The following NIBAN3 variants were observed in gnomAD, a reference collection of about 807,000 sequenced individuals.
NIBAN3 encodes the protein protein Niban 3.
Under a neutral mutation model 76.4 loss-of-function variants are expected in NIBAN3, and 66 were observed. The observed-to-expected ratio is 0.86, with a 90% CI of 0.71 to 1.06. The LOEUF is 1.06. NIBAN3 is among the 50% of genes least tolerant of loss of function. The pLI, the probability that NIBAN3 is intolerant of heterozygous loss-of-function variation, is 0.00. For missense variants in NIBAN3, 808 were observed against 810.7 expected, an observed-to-expected ratio of 1.00 and a Z score of 0.04; for synonymous variants, 360 against 355.2, an observed-to-expected ratio of 1.01 and a Z score of -0.15.
In NIBAN3 at chr19:17,552,509, T is replaced by G. The variant is rs1268584972; in HGVS notation, c.*611T>G. 6.6e-6 allele frequency: 1 copy of G among 152,198 alleles called. No individual in the cohort carries two copies. Among genetic ancestry groups the G allele is most frequent in the South Asian group, 2.1e-4 (1 of 4,836 alleles). 9.4% of individuals were successfully genotyped at this position (152,198 alleles called of 1,614,324 possible). A position where few individuals can be genotyped will look rare whatever the true frequency, so the allele number is the denominator to read the frequency against. On this transcript the variant is annotated 3_prime_UTR_variant, in exon 15 of 15. Coordinates refer to ENST00000599164, the MANE Select transcript of NIBAN3 (RefSeq NM_001321827.2). ...CTAGGATTATAGGAGTGATCCACTA[T>G]GTCCAGCCTCCAAATCCTTTCTAAA...
intron 9 of NIBAN3, among the ~76,000 whole-genome samples, chr19:17,541,682 ATTTTATTTTATTT>A (rs1375084030): frequency 2.0e-5 from 3 of 146,764 alleles, no homozygotes; most frequent in Non-Finnish European, 4.5e-5. Context: ...ATTTTATTTT[ATTTTATTTTATTT>A]TATTTTATTT....
At chr19:17,533,425 AAAAAAG>A (rs1157438576) in intron 3 of NIBAN3, 156 bp from the exon 4 acceptor site, 4 of 554,554 alleles carry the variant, frequency 7.2e-6, no homozygotes, top group South Asian at 2.4e-5. Context: ...CAAAAAAAAA[AAAAAAG>A]AGAGAGGGAG....
downstream of NIBAN3, among the ~76,000 whole-genome samples, chr19:17,554,827 G>C (rs1056441770): frequency 1.6e-5 from 2 of 126,900 alleles, no homozygotes; most frequent in African/African-American, 5.6e-5. Context: ...ATAATGTTCA[G>C]ATGTATTTTT....
chr19:17,525,287 T>C (rs1307184364), upstream of NIBAN3, among the ~76,000 whole-genome samples: 3 of 152,174 alleles, frequency 2.0e-5, no homozygotes, highest in Non-Finnish European at 4.4e-5. Context: ...TTTGATCACA[T>C]TTCCGCTTGG....
rs138735905 is a variant in NIBAN3, at chr19:17,527,312, G to A, written c.-29G>A. The A allele has an allele frequency of 0.03, 46,860 of 1,550,206 alleles. 869 individuals carry two copies. Among genetic ancestry groups the A allele is most frequent in the Middle Eastern group, 0.041 (235 of 5,756 alleles). On this transcript the variant is annotated 5_prime_UTR_variant, in exon 1 of 15. Coordinates refer to ENST00000599164, the MANE Select transcript of NIBAN3 (RefSeq NM_001321827.2). ...ACGCAGGCGGTGGTCGTGGGGAAGG[G>A]AAGAGGAGCCCCGGGAGACGACAGC...
chr19:17,535,002 T>C (rs538962805), intron 4 of NIBAN3, among the ~76,000 whole-genome samples: 1 of 152,286 alleles, frequency 6.6e-6, no homozygotes, highest in East Asian at 1.9e-4. Context: ...AATTGCACCC[T>C]CTGCTTCACC....
At chr19:17,536,352 T>G (rs1314792306) in intron 4 of NIBAN3, among the ~76,000 whole-genome samples, 2 of 150,578 alleles carry the variant, frequency 1.3e-5, no homozygotes, top group Non-Finnish European at 2.9e-5. Context: ...CACCACACCC[T>G]GTAAATTTTG....
intron 13 of NIBAN3, among the ~76,000 whole-genome samples, chr19:17,548,191 G>C (rs1229281983): frequency 1.3e-5 from 2 of 152,168 alleles, no homozygotes; most frequent in African/African-American, 4.8e-5. Context: ...CACTGATTGG[G>C]GGGTGAACAG....
chr19:17,551,543 G>A (rs947747409), intron 14 of NIBAN3, among the ~76,000 whole-genome samples: 2 of 151,946 alleles, frequency 1.3e-5, no homozygotes, highest in Non-Finnish European at 2.9e-5. Context: ...GAGTAGCTGG[G>A]ATTACAGGCG....
Position 17,553,588 on chromosome 19 carries a change from T to C in NIBAN3, c.*1690T>C. 1.9e-6 allele frequency: 3 copies of C among 1,596,976 alleles called. No homozygotes were observed. The highest frequency in any genetic ancestry group is 2.6e-6 in the Non-Finnish European group (3 of 1,164,680). On this transcript the variant is annotated 3_prime_UTR_variant, in exon 15 of 15. Transcript: ENST00000599164. ...AGATATTCCTGACCTTTCCACCTAT[T>C]TCCCTCCAACCCCACCTTCCGAAAT...
At chr19:17,546,991 C>T (rs932240081) in intron 13 of NIBAN3, among the ~76,000 whole-genome samples, 194 bp downstream of exon 13, 1 of 152,020 alleles carries the variant, frequency 6.6e-6, no homozygotes, top group Admixed American at 6.6e-5. Flanking sequence ...AAGGAAGGGC[C>T]GTTGGACTGG....
chr19:17,533,755 A>C, intron 4 of NIBAN3, 54 bp downstream of exon 4: 1 of 1,301,576 alleles, frequency 7.7e-7, no homozygotes, highest in Non-Finnish European at 1.1e-6. Flanking sequence ...CATCATTAAC[A>C]TGTGGGGCCA....
upstream of NIBAN3, among the ~76,000 whole-genome samples, chr19:17,525,248 C>T (rs1458836223): frequency 6.6e-6 from 1 of 152,184 alleles, no homozygotes; most frequent in Non-Finnish European, 1.5e-5. Flanking sequence ...CTTGACACTC[C>T]CCTCATCAGA....
rs573566894 is a variant in NIBAN3 at position 17,536,529 on chromosome 19, G to A, written c.428-847G>A. 2.1e-4 allele frequency among the ~76,000 whole-genome samples: 32 copies of A among 152,032 alleles called. No homozygotes were observed. The South Asian group carries it at 5.2e-3, about 25-fold the overall frequency. On this transcript the variant is annotated intron_variant, in intron 4 of 14. Transcript: ENST00000599164. ...TATCGCAGTCTGTGTTTATCATCCTGGAAAGTGGAACAAAACACTGGAGAC... is the reference window on the plus strand; with the variant it reads ...TATCGCAGTCTGTGTTTATCATCCTAGAAAGTGGAACAAAACACTGGAGAC...
intron 4 of NIBAN3, 41 bp from the exon 5 acceptor site, chr19:17,537,335 G>A (rs1599727673): frequency 6.3e-7 from 1 of 1,592,922 alleles, no homozygotes; most frequent in Non-Finnish European, 8.6e-7. Flanking sequence ...TTCTCCTAGT[G>A]AATGAACGTC....
chr19:17,555,311 G>A (rs1355084332), downstream of NIBAN3, among the ~76,000 whole-genome samples: 3 of 152,232 alleles, frequency 2.0e-5, no homozygotes, highest in African/African-American at 7.2e-5. Flanking sequence ...GGTCTCTTGG[G>A]TCCCAAACCA....
upstream of NIBAN3, among the ~76,000 whole-genome samples, chr19:17,523,982 G>A (rs113420734): frequency 0.013 from 2,015 of 151,994 alleles, 38 homozygotes; most frequent in African/African-American, 0.047. Context: ...TCTACCTCAC[G>A]GGTTCACACA....
chr19:17,545,161 A>ATTTTAT (rs869259254), intron 12 of NIBAN3: 19 of 133,350 alleles, frequency 1.4e-4, no homozygotes, highest in African/African-American at 5.0e-4. Flanking sequence ...AGACTATTTT[A>ATTTTAT]TTTATTTTAT....
intron 8 of NIBAN3, 155 bp from the exon 9 acceptor site, chr19:17,540,237 C>A (rs2075920906): frequency 2.0e-6 from 1 of 511,296 alleles, no homozygotes; most frequent in Non-Finnish European, 3.3e-6. Context: ...CCTGACTGGG[C>A]CCGCCCCTCC....
Sources: gnomAD v4.1 joint callset for allele counts (sites outside exome capture counted in the v4.1 genomes callset) on GRCh38, gnomAD v4.1.1 for gene constraint, MANE v1.5 for transcripts, NCBI Gene and HGNC (gene_info 2026-07-23, HGNC 2026-07-21) for gene names.